TJP1: variants seen among roughly 807,000 people sequenced by gnomAD.
TJP1 encodes tight junction protein 1, also known as tight junction protein ZO-1.
Under a neutral mutation model 194.2 loss-of-function variants are expected in TJP1, and 43 were observed. The ratio of observed to expected loss-of-function variants is 0.22; its 90% confidence interval spans 0.17 to 0.29. TJP1 has a LOEUF of 0.29. Ranked by LOEUF, TJP1 falls within the 10% of genes least tolerant of loss-of-function variation. The pLI, the probability that TJP1 is intolerant of heterozygous loss-of-function variation, is 1.00. For synonymous variants in TJP1, 801 were observed against 779.0 expected (o/e 1.03, Z -0.47); for missense variants, 1,971 against 2,185.7 (o/e 0.90, Z 1.96).
intron 2 of TJP1, among the ~76,000 whole-genome samples, chr15:29,938,067 T>C (rs1409962004): frequency 6.6e-6 from 1 of 152,238 alleles, no homozygotes; most frequent in Non-Finnish European, 1.5e-5. Context: ...CTTGTTCTAC[T>C]TGACATATAA....
At chr15:29,840,661 G>A (rs951457298) in intron 2 of TJP1, among the ~76,000 whole-genome samples, 2 of 152,120 alleles carry the variant, frequency 1.3e-5, no homozygotes, top group Admixed American at 1.3e-4. Flanking sequence ...CCATCTTTAT[G>A]TGGCCAAAGG....
At chr15:29,800,015 G>A (rs2048679937) in intron 2 of TJP1, among the ~76,000 whole-genome samples, 1 of 152,200 alleles carries the variant, frequency 6.6e-6, no homozygotes, top group South Asian at 2.1e-4. Context: ...ATGAACTGGT[G>A]TCAACTTGTT....
At chr15:29,911,231 T>C (rs2054001759) in intron 2 of TJP1, among the ~76,000 whole-genome samples, 1 of 152,184 alleles carries the variant, frequency 6.6e-6, no homozygotes, top group South Asian at 2.1e-4. Flanking sequence ...GCACACCAGA[T>C]CTGCTCAGTC....
At chr15:29,928,235 C>T (rs978872809) in intron 2 of TJP1, among the ~76,000 whole-genome samples, 3 of 152,106 alleles carry the variant, frequency 2.0e-5, no homozygotes, top group Non-Finnish European at 2.9e-5. Flanking sequence ...ATTGTTTTGG[C>T]AGAGAACTGT....
chr15:29,813,882 T>G (rs2151961305), intron 1 of TJP1, among the ~76,000 whole-genome samples: 1 of 152,316 alleles, frequency 6.6e-6, no homozygotes, highest in Non-Finnish European at 1.5e-5. Context: ...CCAACAAATA[T>G]CTGCTGAATG....
intron 2 of TJP1, among the ~76,000 whole-genome samples, chr15:29,902,610 C>A (rs988719165): frequency 1.6e-4 from 25 of 152,144 alleles, no homozygotes; most frequent in African/African-American, 5.8e-4. Flanking sequence ...ATAAATTGCA[C>A]TAAGGCATCA....
At chr15:29,759,230 C>T (rs1822909340) in intron 8 of TJP1, 1 of 152,210 alleles carries the variant, frequency 6.6e-6, no homozygotes, top group South Asian at 2.1e-4. Context: ...ATTTTAGTGA[C>T]TTCTATGGCT....
rs1364929336 is a variant in TJP1 at position 29,718,096 on chromosome 15, G to A, written c.3899C>T (p.Pro1300Leu). The A allele has an allele frequency of 1.2e-6, 2 of 1,605,092 alleles. No individual in the cohort carries two copies. The highest frequency in any genetic ancestry group is 1.4e-5 in the African/African-American group (1 of 73,302). The change falls in exon 22 of 28, where the codon CCT (proline) becomes CTT (leucine). Residue 1300 changes from proline to leucine, a missense_variant. Coordinates refer to ENST00000614355, the MANE Select transcript of TJP1 (RefSeq NM_001330239.4). ...SFKPPEVASK[P>L]SGAPIIGPKP... ...GGGACCAATGATGGGAGCACCTGAA[G>A]GTTTAGATGCTACTTCTGGAGGCTG...
Position 29,726,986 on chromosome 15 carries a change from T to C in TJP1, c.2106A>G (p.Lys702=), listed in dbSNP as rs1162771573. The change falls in exon 17 of 28, where the codon AAA becomes AAG. Residue 702 remains lysine (K), a synonymous_variant. Transcript: ENST00000614355. ...HTIKQIIDQD[K]HALLDVTPNA... The stretch of plus-strand genomic sequence containing the variant: ...TTGGTGTTACATCTAATAAAGCATG[T>C]TTGTCCTAGAAACAGAAAGAAAAAT... The C allele has an allele frequency of 1.2e-6, 2 of 1,613,512 alleles. No individual in the cohort carries two copies. Among genetic ancestry groups the C allele is most frequent in the Non-Finnish European group, 1.7e-6 (2 of 1,179,738 alleles).
At chr15:29,715,124 C>G (rs1595590489) in intron 23 of TJP1, among the ~76,000 whole-genome samples, 2 of 152,146 alleles carry the variant, frequency 1.3e-5, no homozygotes, top group Admixed American at 6.5e-5. Flanking sequence ...TTCCTAATGA[C>G]AAATCCACAT....
At position 29,726,423 on chromosome 15, in the gene TJP1, T is replaced by C. The variant is rs2229515; in HGVS notation, c.2368A>G (p.Ile790Val). Residue 790 changes from isoleucine (I) to valine (V), a missense_variant, in exon 18 of 28, where the codon ATT (isoleucine) becomes GTT (valine). Ile to Val is a conservative substitution (Grantham distance 29). This residue lies in a region of TJP1 where 402 missense variants were observed against 484.2 expected (regional missense o/e 0.83). Transcript: ENST00000614355. ...DGWYGALKEA[I>V]QQQQNQLVWV... The stretch of plus-strand genomic sequence containing the variant: ...ACCAGCTGGTTTTGCTGTTGTTGAA[T>C]TGCTTCTTTCAGCGCACCATACCAA... 186,754 of 1,613,616 alleles carry C rather than the reference T, an allele frequency of 0.12. 12,047 individuals carry two copies. The highest frequency in any genetic ancestry group is 0.23 in the South Asian group (21,261 of 91,022).
intron 25 of TJP1, 38 bp from the exon 26 acceptor site, chr15:29,705,783 T>C: frequency 6.3e-7 from 1 of 1,580,012 alleles, no homozygotes; most frequent in Non-Finnish European, 8.7e-7. Flanking sequence ...GAATTCCTAA[T>C]AATACACAGG....
chr15:29,813,891 T>C (rs936818450), intron 1 of TJP1, among the ~76,000 whole-genome samples: 3 of 152,238 alleles, frequency 2.0e-5, no homozygotes, highest in Non-Finnish European at 4.4e-5. Flanking sequence ...ATCTGCTGAA[T>C]GTAAAATTCC....
chr15:29,938,627 C>T (rs2152280089), intron 2 of TJP1, among the ~76,000 whole-genome samples: 1 of 152,310 alleles, frequency 6.6e-6, no homozygotes, highest in East Asian at 1.9e-4. Context: ...AAATCACCTT[C>T]GAATAAGCAC....
At chr15:29,942,238 C>T (rs968374056) in intron 2 of TJP1, among the ~76,000 whole-genome samples, 9 of 152,154 alleles carry the variant, frequency 5.9e-5, no homozygotes, top group Non-Finnish European at 1.2e-4. Context: ...CCCGAACTAG[C>T]AGTTGCTAAT....
chr15:29,712,052 G>A (rs1226654843), intron 23 of TJP1, among the ~76,000 whole-genome samples: 1 of 152,124 alleles, frequency 6.6e-6, no homozygotes, highest in Non-Finnish European at 1.5e-5. Flanking sequence ...TTGTTAATAT[G>A]TAACACAAAA....
chr15:29,876,839 G>A (rs2052719418), intron 2 of TJP1, among the ~76,000 whole-genome samples: 1 of 152,156 alleles, frequency 6.6e-6, no homozygotes, highest in South Asian at 2.1e-4. Flanking sequence ...TGAAGCCTAA[G>A]GACCTAGCAC....
rs775588489 is a variant in TJP1, at chr15:29,737,318, T to C, written c.1353A>G (p.Leu451=). The C allele has an allele frequency of 7.4e-6, 12 of 1,614,064 alleles. No individual in the cohort carries two copies. Among genetic ancestry groups the C allele is most frequent in the Admixed American group, 1.7e-5 (1 of 60,014 alleles). The change falls in exon 11 of 28, where the codon CTA becomes CTG. Residue 451 remains leucine, a synonymous_variant. Coordinates refer to ENST00000614355, the MANE Select transcript of TJP1 (RefSeq NM_001330239.4). ...CTTCCTTGGCTGCAGGGCTATCTTCTAGAACGCCAGCTACAAATATTCCAA... is the reference window on the plus strand; with the variant it reads ...CTTCCTTGGCTGCAGGGCTATCTTCCAGAACGCCAGCTACAAATATTCCAA... ...NDVGIFVAGV[L]EDSPAAKEGL...
upstream of TJP1, chr15:29,822,523 G>GGACGA (rs1342293448): frequency 1.0e-6 from 1 of 983,786 alleles, no homozygotes; most frequent in African/African-American, 1.8e-5. Context: ...GGGCGGGGCT[G>GGACGA]GACGAGGCGA....
Sources: gnomAD v4.1 joint callset for allele counts (sites outside exome capture counted in the v4.1 genomes callset) on GRCh38, gnomAD v4.1.1 for gene constraint, gnomAD v4.1.1 regional missense constraint, MANE v1.5 for transcripts, NCBI Gene and HGNC (gene_info 2026-07-23, HGNC 2026-07-21) for gene names.